The following USP30 variants were observed in gnomAD, a reference collection of about 807,000 sequenced individuals.
USP30 encodes ubiquitin carboxyl-terminal hydrolase 30.
In USP30, 41 loss-of-function variants were observed where a neutral mutation model predicts 68.2. The observed-to-expected ratio is 0.60, with a 90% CI of 0.47 to 0.78. The LOEUF is 0.78. Ranked by LOEUF, USP30 falls within the 30% of genes least tolerant of loss-of-function variation. The pLI is 0.00. For missense variants in USP30, 522 were observed against 649.4 expected, an observed-to-expected ratio of 0.80 and a Z score of 2.13; for synonymous variants, 229 against 253.7, an observed-to-expected ratio of 0.90 and a Z score of 0.93.
chr12:109,056,074 C>T (rs921787861), intron 1 of USP30, among the ~76,000 whole-genome samples: 5 of 152,242 alleles, frequency 3.3e-5, no homozygotes, highest in Non-Finnish European at 4.4e-5. Flanking sequence ...TGGCTGGTAA[C>T]GTTCCATGTG....
rs201327948 is a variant in USP30, at chr12:109,085,089, C to T, written c.1289+16C>T. ...CCGACTACAGGTGAGCCACCCTTTA[C>T]AAGCCCCATCTTAGAGCTACCACTG... On this transcript the variant is annotated intron_variant, in intron 12 of 12. Transcript: ENST00000257548. 10 of 1,534,808 alleles carry T rather than the reference C, an allele frequency of 6.5e-6. No individual in the cohort carries two copies. The highest frequency in any genetic ancestry group is 1.3e-5 in the South Asian group (1 of 79,362).
chr12:109,044,918 T>G (rs2040591259), intron 3 of USP30, among the ~76,000 whole-genome samples: 1 of 150,870 alleles, frequency 6.6e-6, no homozygotes, highest in Non-Finnish European at 1.5e-5. Context: ...ATTAATCTGA[T>G]GGGGGAAAAA....
intron 3 of USP30, among the ~76,000 whole-genome samples, chr12:109,043,032 G>T (rs1405933704): frequency 6.6e-6 from 1 of 152,002 alleles, no homozygotes; most frequent in Non-Finnish European, 1.5e-5. Flanking sequence ...GAAATACTTA[G>T]GAATTAACCA....
intron 3 of USP30, among the ~76,000 whole-genome samples, chr12:109,059,425 G>A (rs1357969231): frequency 6.6e-6 from 1 of 152,082 alleles, no homozygotes; most frequent in Non-Finnish European, 1.5e-5. Context: ...CAAACTCCTG[G>A]CCTCAAGTGG....
rs561961214 is a variant in USP30, at chr12:109,036,065, TGGG to T, written c.-136+8510_-136+8512del. Among the ~76,000 whole-genome samples the T allele has an allele frequency of 4.4e-3, 675 of 152,094 alleles. 4 individuals carry two copies. The highest frequency in any genetic ancestry group is 6.5e-3 in the Non-Finnish European group (445 of 67,984). On this transcript the variant is annotated intron_variant, in intron 3 of 15. Transcript: ENST00000392784. ...GTCCCAGCTAATTGGGAGGCTGAGG[TGGG>T]AGGATTGCTTGAGACCAAGAGGTTG...
chr12:109,081,621 GCGCACACACA>G (rs1566105515), intron 8 of USP30: 9 of 545,288 alleles, frequency 1.7e-5, no homozygotes, highest in Non-Finnish European at 2.2e-5. Flanking sequence ...GCACGCATGC[GCGCACACACA>G]CACACACACA....
intron 3 of USP30, among the ~76,000 whole-genome samples, chr12:109,065,609 G>A (rs989487262): frequency 6.6e-6 from 1 of 152,210 alleles, no homozygotes; most frequent in Non-Finnish European, 1.5e-5. Flanking sequence ...ACATACAGAT[G>A]TAAGATTTGA....
At chr12:109,055,361 CACACACACATATATATACATAT>C (rs2040810234) in intron 1 of USP30, among the ~76,000 whole-genome samples, 1 of 108,460 alleles carries the variant, frequency 9.2e-6, no homozygotes, top group Non-Finnish European at 1.8e-5. Context: ...TATATATATA[CACACACACATATATATACATAT>C]ATATATATAT....
intron 3 of USP30, among the ~76,000 whole-genome samples, chr12:109,036,742 A>G (rs950267252): frequency 6.6e-6 from 1 of 152,016 alleles, no homozygotes; most frequent in Non-Finnish European, 1.5e-5. Flanking sequence ...AATACTTTGA[A>G]TATGTCCTTC....
At chr12:109,039,739 T>C (rs967930394) in intron 3 of USP30, among the ~76,000 whole-genome samples, 15 of 152,078 alleles carry the variant, frequency 9.9e-5, no homozygotes, top group African/African-American at 3.6e-4. Context: ...GCCTCCCAAA[T>C]AGCTGGGACT....
intron 6 of USP30, among the ~76,000 whole-genome samples, 169 bp from the exon 7 acceptor site, chr12:109,073,269 A>G (rs2041500828): frequency 6.6e-6 from 1 of 152,234 alleles, no homozygotes; most frequent in Non-Finnish European, 1.5e-5. Flanking sequence ...CTATGAAGGA[A>G]TGGGATGTCT....
chr12:109,061,393 T>TA (rs57688181), intron 3 of USP30, among the ~76,000 whole-genome samples: 21 of 138,936 alleles, frequency 1.5e-4, no homozygotes, highest in South Asian at 2.3e-4. Flanking sequence ...AACTTTGGTT[T>TA]AAAAAAAAAA....
At chr12:109,069,986 G>A (rs186172219) in intron 4 of USP30, among the ~76,000 whole-genome samples, 3 of 152,094 alleles carry the variant, frequency 2.0e-5, no homozygotes, top group South Asian at 2.1e-4. Flanking sequence ...CGGGGAGGGC[G>A]GTGGAGGAGA....
chr12:109,082,994 A>T lies in USP30; in HGVS notation c.1100A>T (p.Asn367Ile). ...CTTGGACATAAACCTAGTCAACACA[A>T]CCCTAAACTGAACAAGAACCCAGGG... ...HLLGHKPSQH[N>I]PKLNKNPGPT... is the part of the protein sequence containing the mutation. Residue 367 changes from asparagine to isoleucine, a missense_variant, in exon 11 of 13, where the codon AAC (asparagine) becomes ATC (isoleucine). Coordinates refer to ENST00000257548, the MANE Select transcript of USP30 (RefSeq NM_032663.5). The T allele has an allele frequency of 6.2e-7, 1 of 1,614,114 alleles. No individual in the cohort carries two copies. The highest frequency in any genetic ancestry group is 8.5e-7 in the Non-Finnish European group (1 of 1,179,982).
rs2304266 is a variant in USP30, at chr12:109,052,596, C to T, written c.-83C>T. Reference sequence around the variant, plus strand: ...GGACTGCGGCCGCAGGTTCCGCTGTCTCGGGAACCGTCGTATCCCTCGGTC... The same window carrying T: ...GGACTGCGGCCGCAGGTTCCGCTGTTTCGGGAACCGTCGTATCCCTCGGTC... On this transcript the variant is annotated 5_prime_UTR_variant, in exon 1 of 13. Coordinates refer to ENST00000257548, the MANE Select transcript of USP30 (RefSeq NM_032663.5). 0.17 allele frequency: 226,481 copies of T among 1,354,078 alleles called. 19,412 individuals carry two copies. The highest frequency in any genetic ancestry group is 0.21 in the African/African-American group (13,640 of 65,074). The allele number at this position is 1,354,078 out of a possible 1,614,324, so 83.9% of individuals were successfully genotyped here.
chr12:109,066,864 G>A (rs2041270014), intron 3 of USP30, among the ~76,000 whole-genome samples: 1 of 152,056 alleles, frequency 6.6e-6, no homozygotes, highest in African/African-American at 2.4e-5. Flanking sequence ...ATGTTAAAGG[G>A]CCCTCCCAAC....
In USP30 at chr12:109,072,336, C is replaced by T. The variant is rs769770015; in HGVS notation, c.611C>T (p.Thr204Ile). The T allele has an allele frequency of 1.9e-5, 30 of 1,612,978 alleles. No homozygotes were observed. The highest frequency in any genetic ancestry group is 1.0e-4 in the Admixed American group (6 of 59,966). ...TCAGAAATAACTCCCAAACAAATTA[C>T]CTGCCGCACAAGAGGTAGCTGTTTT... ...QQSEITPKQITCRTRGSPHPT... is the reference protein window; with the variant it reads ...QQSEITPKQIICRTRGSPHPT... The change falls in exon 6 of 13, where the codon ACC becomes ATC. Residue 204 changes from threonine (T) to isoleucine (I), a missense_variant. Coordinates refer to ENST00000257548, the MANE Select transcript of USP30 (RefSeq NM_032663.5).
At chr12:109,031,588 GGAAGCAACCCATGTGTCCATCAATA>G (rs1314037165) in intron 3 of USP30, among the ~76,000 whole-genome samples, 3 of 152,146 alleles carry the variant, frequency 2.0e-5, no homozygotes, top group African/African-American at 7.2e-5. Flanking sequence ...GCCAAACAGT[GGAAGCAACCCATGTGTCCATCAATA>G]GATGAATGGA....
Position 109,082,002 on chromosome 12 carries a change from T to C in USP30, c.850T>C (p.Cys284Arg). ...ATCAGAATCAGTGCGGGATGTTGTGTGTGACAACTGTACAAAGGTATGCAT... is the reference window on the plus strand; with the variant it reads ...ATCAGAATCAGTGCGGGATGTTGTGCGTGACAACTGTACAAAGGTATGCAT... The part of the protein sequence containing the change: ...ISSESVRDVV[C>R]DNCTKIEAKG... Residue 284 changes from cysteine to arginine, a missense_variant, in exon 9 of 13, where the codon TGT (cysteine) becomes CGT (arginine). Cys to Arg is a radical substitution (Grantham distance 180, BLOSUM62 -3). Coordinates refer to ENST00000257548, the MANE Select transcript of USP30 (RefSeq NM_032663.5). The C allele has an allele frequency of 6.2e-7, 1 of 1,614,256 alleles. No homozygotes were observed. The highest frequency in any genetic ancestry group is 2.2e-5 in the East Asian group (1 of 44,888).
Sources: allele counts gnomAD v4.1 joint callset (sites outside exome capture counted in the v4.1 genomes callset), GRCh38; gene constraint gnomAD v4.1.1; transcripts MANE v1.5; gene names NCBI Gene and HGNC (gene_info 2026-07-23, HGNC 2026-07-21).